Variants in EIF4G3 observed in about 807,000 individuals in gnomAD.
The protein encoded by EIF4G3 is eIF-4-gamma 3.
Under a neutral mutation model 186.4 loss-of-function variants are expected in EIF4G3, and 34 were observed. The ratio of observed to expected loss-of-function variants is 0.18; its 90% CI spans 0.14 to 0.24. The LOEUF is 0.24. Ranked by LOEUF, EIF4G3 falls within the 10% of genes least tolerant of loss-of-function variation. The pLI is 1.00. For missense variants in EIF4G3, 1,536 were observed against 1,948.5 expected (o/e 0.79, Z 3.99); for synonymous variants, 673 against 679.5 (o/e 0.99, Z 0.15).
intron 4 of EIF4G3, among the ~76,000 whole-genome samples, 165 bp from the exon 5 acceptor site, chr1:21,002,973 T>A (rs2083925829): frequency 6.7e-6 from 1 of 149,696 alleles, no homozygotes; most frequent in African/African-American, 2.4e-5. Context: ...TCAAAATCAG[T>A]ACAGTTCCTT....
intron 14 of EIF4G3, among the ~76,000 whole-genome samples, chr1:20,917,115 C>CA: frequency 6.6e-6 from 1 of 152,212 alleles, no homozygotes; most frequent in Non-Finnish European, 1.5e-5. Flanking sequence ...GGTTAACAAA[C>CA]AGACAAATTG....
chr1:21,134,876 T>TC, intron 2 of EIF4G3, among the ~76,000 whole-genome samples: 1 of 151,352 alleles, frequency 6.6e-6, no homozygotes, highest in Non-Finnish European at 1.5e-5. Context: ...TATGCAGTGT[T>TC]TTTTTTTTGT....
At chr1:21,094,009 C>T (rs922701648) in intron 2 of EIF4G3, among the ~76,000 whole-genome samples, 6 of 151,822 alleles carry the variant, frequency 4.0e-5, no homozygotes, top group Admixed American at 1.3e-4. Flanking sequence ...ATGTAAATGA[C>T]GAGTTAATGG....
chr1:21,063,721 G>T (rs113150704), intron 3 of EIF4G3, among the ~76,000 whole-genome samples: 94 of 410 alleles, frequency 0.23, 1 homozygote, highest in East Asian at 0.54. Context: ...GGGGGGTGTT[G>T]GGGGGGGGGA....
chr1:20,852,840 T>C (rs1255139498), intron 27 of EIF4G3, among the ~76,000 whole-genome samples: 1 of 152,104 alleles, frequency 6.6e-6, no homozygotes, highest in Non-Finnish European at 1.5e-5. Flanking sequence ...GTCAAGGGAA[T>C]AAGAACACAG....
At chr1:21,075,332 G>A (rs1007510625) in intron 3 of EIF4G3, among the ~76,000 whole-genome samples, 5 of 151,962 alleles carry the variant, frequency 3.3e-5, no homozygotes, top group Admixed American at 6.6e-5. Context: ...ACTTTGGAAG[G>A]CCAAGGTGGG....
chr1:20,906,833 A>T (rs12742477), intron 14 of EIF4G3, among the ~76,000 whole-genome samples: 1 of 122,556 alleles, frequency 8.2e-6, no homozygotes, highest in African/African-American at 2.8e-5. Context: ...CACACACACA[A>T]ACACACACAC....
Position 20,886,218 on chromosome 1 carries a change from C to T in EIF4G3, c.2407G>A (p.Glu803Lys), listed in dbSNP as rs780327962. 9 of 1,613,210 alleles carry T rather than the reference C, an allele frequency of 5.6e-6. No homozygotes were observed. Among genetic ancestry groups the T allele is most frequent in the South Asian group, 2.2e-5 (2 of 90,878 alleles). The change falls in exon 19 of 37, where the codon GAA (glutamate) becomes AAA (lysine). Residue 803 changes from glutamate (E) to lysine (K), a missense_variant. Coordinates refer to ENST00000602326, the MANE Select transcript of EIF4G3 (RefSeq NM_001391906.1). ...GTTCTCACCTGGGTTTTAATGTTTT[C>T]GGGATCATCGGCTTGGCTGTCTCGT... ...QKRDSQADDP[E>K]NIKTQELFRK...
intron 3 of EIF4G3, among the ~76,000 whole-genome samples, chr1:21,085,241 A>G (rs2095923871): frequency 6.6e-6 from 1 of 152,114 alleles, no homozygotes; most frequent in Non-Finnish European, 1.5e-5. Context: ...ATTTAAAAAT[A>G]ATAATTAAAT....
At chr1:20,957,197 G>A (rs1423027481) in intron 12 of EIF4G3, among the ~76,000 whole-genome samples, 2 of 152,052 alleles carry the variant, frequency 1.3e-5, no homozygotes, top group South Asian at 2.1e-4. Flanking sequence ...AGACTTAAGA[G>A]GGCTTAAGAA....
chr1:21,013,265 G>A (rs892295802), intron 4 of EIF4G3, among the ~76,000 whole-genome samples: 1 of 151,672 alleles, frequency 6.6e-6, no homozygotes, highest in African/African-American at 2.4e-5. Flanking sequence ...TCGAGAAAAA[G>A]CCACACTCAA....
chr1:21,135,696 T>C (rs1203744305), intron 2 of EIF4G3, among the ~76,000 whole-genome samples: 3 of 152,164 alleles, frequency 2.0e-5, no homozygotes, highest in Non-Finnish European at 4.4e-5. Context: ...GGTGTACACA[T>C]TTTCCAACTC....
At chr1:20,989,510 T>G (rs1213884967) in intron 7 of EIF4G3, among the ~76,000 whole-genome samples, 1 of 121,468 alleles carries the variant, frequency 8.2e-6, no homozygotes, top group African/African-American at 3.2e-5. Flanking sequence ...TGAGCCGAGA[T>G]CATGCCACTG....
chr1:20,826,988 T>TTC (rs2063816900), intron 32 of EIF4G3, among the ~76,000 whole-genome samples: 1 of 152,206 alleles, frequency 6.6e-6, no homozygotes, highest in Admixed American at 6.5e-5. Flanking sequence ...ACAGAAGGAC[T>TTC]TCTGTATCAG....
intron 2 of EIF4G3, among the ~76,000 whole-genome samples, chr1:21,139,763 C>T (rs975103944): frequency 3.9e-5 from 6 of 152,084 alleles, no homozygotes; most frequent in East Asian, 3.9e-4. Context: ...TTTACAGCCA[C>T]GATCATCACA....
chr1:21,076,046 A>T (rs895686515), intron 3 of EIF4G3, among the ~76,000 whole-genome samples: 1 of 152,194 alleles, frequency 6.6e-6, no homozygotes, highest in Non-Finnish European at 1.5e-5. Flanking sequence ...CAGAATACAC[A>T]TTCTCTTCAT....
chr1:21,005,880 A>G (rs1168359110), intron 4 of EIF4G3, among the ~76,000 whole-genome samples: 1 of 152,202 alleles, frequency 6.6e-6, no homozygotes, highest in Non-Finnish European at 1.5e-5. Context: ...TTCTTTTTAT[A>G]TTTACATTGC....
At chr1:21,040,320 G>A (rs924036588) in intron 4 of EIF4G3, among the ~76,000 whole-genome samples, 8 of 152,186 alleles carry the variant, frequency 5.3e-5, no homozygotes, top group African/African-American at 1.9e-4. Flanking sequence ...GTTGCTGGAG[G>A]GTGGTGCACC....
intron 2 of EIF4G3, among the ~76,000 whole-genome samples, chr1:21,105,469 C>T (rs916253032): frequency 6.6e-5 from 10 of 151,656 alleles, no homozygotes; most frequent in African/African-American, 2.4e-4. Context: ...ACCAAACCCC[C>T]ACCATGACAT....
Sources: gnomAD v4.1 joint callset for allele counts (sites outside exome capture counted in the v4.1 genomes callset) on GRCh38, gnomAD v4.1.1 for gene constraint, MANE v1.5 for transcripts, NCBI Gene and HGNC (gene_info 2026-07-23, HGNC 2026-07-21) for gene names.